Variants in IQGAP2 observed in about 807,000 individuals in gnomAD.
The protein encoded by IQGAP2 is IQ motif containing GTPase activating protein 2.
A neutral mutation model predicts 201.3 loss-of-function variants in IQGAP2; 173 were observed. The ratio of observed to expected loss-of-function variants is 0.86; its 90% CI spans 0.76 to 0.98. The LOEUF (loss-of-function observed/expected upper bound fraction) is 0.98. Ranked by LOEUF, IQGAP2 falls within the 50% of genes least tolerant of loss-of-function variation. IQGAP2 has a pLI of 0.00. For synonymous variants in IQGAP2, 675 were observed against 673.9 expected, an observed-to-expected ratio of 1.00 and a Z score of -0.03; for missense variants, 1,687 against 1,864.8, an observed-to-expected ratio of 0.90 and a Z score of 1.76.
chr5:76,433,662 T>C (rs540511391), intron 1 of IQGAP2, among the ~76,000 whole-genome samples: 1 of 152,218 alleles, frequency 6.6e-6, no homozygotes, highest in East Asian at 1.9e-4. Flanking sequence ...CTTTTTATAA[T>C]TAGACTTTGT....
intron 2 of IQGAP2, among the ~76,000 whole-genome samples, chr5:76,471,703 T>A (rs1191767669): frequency 1.4e-5 from 1 of 72,980 alleles, no homozygotes; most frequent in East Asian, 2.2e-4. Flanking sequence ...TATTCATGAT[T>A]AGTTTAAAAA....
intron 35 of IQGAP2, 101 bp downstream of exon 35, chr5:76,702,691 A>AGAAAATCAGTGCCAGCCTTATTTGCC: frequency 1.7e-6 from 1 of 603,516 alleles, no homozygotes; most frequent in South Asian, 2.3e-5. Flanking sequence ...AAAGTTTAAC[A>AGAAAATCAGTGCCAGCCTTATTTGCC]GAAAACCAGT....
intron 28 of IQGAP2, among the ~76,000 whole-genome samples, chr5:76,679,312 T>G (rs767802738): frequency 6.6e-6 from 1 of 152,214 alleles, no homozygotes; most frequent in Admixed American, 6.5e-5. Flanking sequence ...TTAACAAAAA[T>G]TGAAAACAGA....
intron 1 of IQGAP2, among the ~76,000 whole-genome samples, chr5:76,423,430 G>A (rs1362331654): frequency 6.6e-6 from 1 of 152,186 alleles, no homozygotes; most frequent in Non-Finnish European, 1.5e-5. Context: ...AGACCAGCCT[G>A]GCCAAGGTGG....
chr5:76,493,225 C>T (rs561629585), intron 2 of IQGAP2, among the ~76,000 whole-genome samples: 1 of 152,156 alleles, frequency 6.6e-6, no homozygotes, highest in African/African-American at 2.4e-5. Context: ...TGGCTCTCGT[C>T]GCACCCAGAG....
At chr5:76,596,167 GA>G (rs1747019682) in intron 9 of IQGAP2, among the ~76,000 whole-genome samples, 1 of 152,190 alleles carries the variant, frequency 6.6e-6, no homozygotes, top group African/African-American at 2.4e-5. Context: ...TGTATTTAGA[GA>G]AGATAAATTG....
chr5:76,611,165 T>C lies in IQGAP2; in HGVS notation c.1503T>C (p.Ala501=). 6.2e-7 allele frequency: 1 copy of C among 1,609,440 alleles called. No individual in the cohort carries two copies. ...ACTACCAGGATGTTTTATACCATGC[T>C]AAATCACAGAAACTCGGAGTAAGTT... ...AQHYQDVLYH[A]KSQKLGDSES... The change falls in exon 13 of 36, where the codon GCT becomes GCC. Residue 501 remains alanine, a synonymous_variant. Transcript: ENST00000274364.
intron 3 of IQGAP2, among the ~76,000 whole-genome samples, chr5:76,564,595 A>G (rs560825792): frequency 1.3e-5 from 2 of 152,350 alleles, no homozygotes; most frequent in Non-Finnish European, 1.5e-5. Flanking sequence ...CCTCATGGCA[A>G]CTTAAACAGG....
chr5:76,577,155 A>G (rs767560179), intron 5 of IQGAP2, among the ~76,000 whole-genome samples: 6 of 152,208 alleles, frequency 3.9e-5, no homozygotes, highest in African/African-American at 9.6e-5. Context: ...ATAAGTTTCA[A>G]TTGATTTTCT....
intron 17 of IQGAP2, among the ~76,000 whole-genome samples, chr5:76,642,290 A>G (rs1044563802): frequency 6.6e-6 from 1 of 152,138 alleles, no homozygotes; most frequent in African/African-American, 2.4e-5. Context: ...TGGAAGATAT[A>G]CCACAGAGCC....
At chr5:76,430,288 C>T (rs998301603) in intron 1 of IQGAP2, among the ~76,000 whole-genome samples, 3 of 152,146 alleles carry the variant, frequency 2.0e-5, no homozygotes, top group Non-Finnish European at 4.4e-5. Context: ...GACCAATTAA[C>T]GAGCTCCAGC....
chr5:76,558,463 T>C, intron 2 of IQGAP2, among the ~76,000 whole-genome samples: 1 of 152,236 alleles, frequency 6.6e-6, no homozygotes, highest in African/African-American at 2.4e-5. Flanking sequence ...CCCTAATTAG[T>C]TTATTTAGCT....
chr5:76,589,491 CTTGT>C, intron 6 of IQGAP2, 120 bp from the exon 7 acceptor site: 1 of 552,572 alleles, frequency 1.8e-6, no homozygotes, highest in Non-Finnish European at 3.1e-6. Flanking sequence ...TCCTAAGGCT[CTTGT>C]TTACAAACAA....
At chr5:76,487,389 G>A (rs575643877) in intron 2 of IQGAP2, among the ~76,000 whole-genome samples, 148 of 152,242 alleles carry the variant, frequency 9.7e-4, no homozygotes, top group Non-Finnish European at 1.7e-3. Context: ...GAGCCACCGC[G>A]TCTATTGGTA....
intron 1 of IQGAP2, among the ~76,000 whole-genome samples, chr5:76,438,899 C>G (rs1321100484): frequency 6.6e-6 from 1 of 152,050 alleles, no homozygotes; most frequent in Non-Finnish European, 1.5e-5. Flanking sequence ...TTTAGTTCTG[C>G]TCTAATCTTT....
chr5:76,494,781 A>G (rs908883130), intron 2 of IQGAP2, among the ~76,000 whole-genome samples: 5 of 151,902 alleles, frequency 3.3e-5, no homozygotes, highest in Non-Finnish European at 7.4e-5. Context: ...CCTTGTCCCT[A>G]CCTCCTCCCC....
At chr5:76,644,448 C>T (rs562563044) in intron 17 of IQGAP2, among the ~76,000 whole-genome samples, 115 of 151,698 alleles carry the variant, frequency 7.6e-4, no homozygotes, top group Non-Finnish European at 1.4e-3. Context: ...TACTGGCATG[C>T]GCCACCACAC....
Position 76,503,722 on chromosome 5 carries a change from A to C in IQGAP2, c.146+42053A>C, listed in dbSNP as rs542353885. ...TTCTCCTGCCTCAGCCTCCCGAGTT[A>C]GCTGGGATCACAGGCATGCACTACC... On this transcript the variant is annotated intron_variant, in intron 2 of 35. Coordinates refer to ENST00000274364, the MANE Select transcript of IQGAP2 (RefSeq NM_006633.5). Among the ~76,000 whole-genome samples, 4 of 151,814 alleles carry C rather than the reference A, an allele frequency of 2.6e-5. No individual in the cohort carries two copies. In the East Asian group the frequency reaches 7.8e-4, roughly 30 times the overall value.
intron 2 of IQGAP2, among the ~76,000 whole-genome samples, chr5:76,484,802 A>ATT (rs1470131728): frequency 2.0e-5 from 3 of 150,626 alleles, no homozygotes; most frequent in African/African-American, 4.9e-5. Context: ...AGGTGGCCTC[A>ATT]TTTCTCTCTC....
Sources: gnomAD v4.1 joint callset for allele counts (sites outside exome capture counted in the v4.1 genomes callset) on GRCh38, gnomAD v4.1.1 for gene constraint, MANE v1.5 for transcripts, NCBI Gene and HGNC (gene_info 2026-07-23, HGNC 2026-07-21) for gene names.